Variants in CSMD3 observed in about 807,000 individuals in gnomAD.
The protein encoded by CSMD3 is CUB and sushi domain-containing protein 3.
A neutral mutation model predicts 435.2 loss-of-function variants in CSMD3; 177 were observed. The ratio of observed to expected loss-of-function variants is 0.41; its 90% CI spans 0.36 to 0.46. The LOEUF (loss-of-function observed/expected upper bound fraction) is 0.46. Among genes scored for constraint, CSMD3 ranks in the 20% least tolerant of loss-of-function variants. CSMD3 has a pLI of 0.34. For synonymous variants in CSMD3, 1,656 were observed against 1,520.5 expected (o/e 1.09, Z -2.07); for missense variants, 4,265 against 4,504.6 (o/e 0.95, Z 1.52).
At chr8:113,158,282 G>A (rs1435758809) in intron 4 of CSMD3, among the ~76,000 whole-genome samples, 1 of 151,964 alleles carries the variant, frequency 6.6e-6, no homozygotes, top group Non-Finnish European at 1.5e-5. Flanking sequence ...ACGCTACCAT[G>A]AGTGTAGGGG....
At chr8:112,888,548 G>A (rs1179201469) in intron 10 of CSMD3, among the ~76,000 whole-genome samples, 3 of 151,678 alleles carry the variant, frequency 2.0e-5, no homozygotes, top group Non-Finnish European at 3.0e-5. Flanking sequence ...ACATGCATGT[G>A]CCATCCAATG....
Position 112,859,091 on chromosome 8 carries a change from CT to C in CSMD3, c.1755+53del. ...TGCATGTTCCGTATTATTTCTTTGC[CT>C]TTGTCTTTATGATTATGACTTTTTT... is the stretch of plus-strand genomic sequence containing the variant. On this transcript the variant is annotated intron_variant, in intron 11 of 70. Coordinates refer to ENST00000297405, the MANE Select transcript of CSMD3 (RefSeq NM_198123.2). The C allele has an allele frequency of 3.2e-6, 5 of 1,545,364 alleles. No homozygotes were observed. The Admixed American group carries it at 8.4e-5, about 26-fold the overall frequency.
intron 17 of CSMD3, 146 bp from the exon 18 acceptor site, chr8:112,656,487 C>A (rs1374705734): frequency 1.8e-6 from 1 of 562,752 alleles, no homozygotes; most frequent in African/African-American, 1.9e-5. Context: ...TCTAAGATAT[C>A]ATTTAAGACA....
At position 112,636,917 on chromosome 8, in the gene CSMD3, G is replaced by A. The variant is rs2131581320; in HGVS notation, c.3615C>T (p.Thr1205=). The part of the protein sequence containing the change: ...GFNFGIGDTL[T]FSCSSGYRLE... ...GTCGATAACCCGAAGAGCATGAGAA[G>A]GTCAGAGTGTCACCAATCCCAAAGT... The change falls in exon 22 of 71, where the codon ACC becomes ACT. Residue 1205 remains threonine, a synonymous_variant. Coordinates refer to ENST00000297405, the MANE Select transcript of CSMD3 (RefSeq NM_198123.2). 6.2e-7 allele frequency: 1 copy of A among 1,613,488 alleles called. No homozygotes were observed. Among genetic ancestry groups the A allele is most frequent in the Non-Finnish European group, 8.5e-7 (1 of 1,179,746 alleles).
chr8:113,346,148 T>C (rs1003338454), intron 1 of CSMD3, among the ~76,000 whole-genome samples: 6 of 152,038 alleles, frequency 3.9e-5, no homozygotes, highest in African/African-American at 1.4e-4. Context: ...GGAAGATCAA[T>C]AGAGATAGAC....
intron 58 of CSMD3, among the ~76,000 whole-genome samples, chr8:112,284,607 T>C (rs1818991045): frequency 6.6e-6 from 1 of 151,878 alleles, no homozygotes; most frequent in Non-Finnish European, 1.5e-5. Context: ...AAACATAAAA[T>C]TGCTTAAGCA....
intron 12 of CSMD3, among the ~76,000 whole-genome samples, chr8:112,809,324 G>A (rs895364609): frequency 2.6e-5 from 4 of 152,106 alleles, no homozygotes; most frequent in Non-Finnish European, 5.9e-5. Flanking sequence ...GTGCTAGAAG[G>A]ATCAAGTGCT....
intron 56 of CSMD3, among the ~76,000 whole-genome samples, chr8:112,291,078 A>G (rs1819718484): frequency 6.6e-6 from 1 of 152,038 alleles, no homozygotes; most frequent in African/African-American, 2.4e-5. Context: ...TCTATATGAC[A>G]AATATTTAAG....
In CSMD3 at chr8:112,351,184, T is replaced by C; in HGVS notation, c.6316A>G (p.Ile2106Val). The C allele has an allele frequency of 1.3e-6, 2 of 1,596,600 alleles. No individual in the cohort carries two copies. The highest frequency in any genetic ancestry group is 2.2e-5 in the South Asian group (2 of 90,684). ...PVRRWNYPIP[I>V]CLAQCGGAMS... is the part of the protein sequence containing the mutation. ...TAGTCTTTTAACTTACCTAAACAAA[T>C]TGGGATTGGATAATTCCATCTTCTT... The change falls in exon 40 of 71, where the codon ATT (isoleucine) becomes GTT (valine). Residue 2106 changes from isoleucine to valine, a missense_variant. This residue lies in a region of CSMD3 where 3,255 missense variants were observed against 3,380.2 expected (regional missense o/e 0.96). Transcript: ENST00000297405.
At chr8:112,654,242 GAA>G (rs1316709650) in intron 18 of CSMD3, among the ~76,000 whole-genome samples, 4 of 152,104 alleles carry the variant, frequency 2.6e-5, no homozygotes, top group African/African-American at 4.8e-5. Flanking sequence ...TGGTTCATTT[GAA>G]AAAGATAGTT....
chr8:112,705,977 G>A (rs564336969), intron 13 of CSMD3, among the ~76,000 whole-genome samples: 1 of 152,140 alleles, frequency 6.6e-6, no homozygotes, highest in African/African-American at 2.4e-5. Context: ...TATACTTAAA[G>A]TTCTTCAAAG....
In CSMD3 at chr8:112,270,453, A is replaced by G. The variant is rs565149524; in HGVS notation, c.9509-4863T>C. On this transcript the variant is annotated intron_variant, in intron 59 of 70. Transcript: ENST00000297405. Reference sequence around the variant, plus strand: ...TATAGTTGCAAATAACTCCAGTGGGAAATTCTCAAAGGTAAAATTCTCAAA... The same window carrying G: ...TATAGTTGCAAATAACTCCAGTGGGGAATTCTCAAAGGTAAAATTCTCAAA... Among the ~76,000 whole-genome samples the G allele has an allele frequency of 8.6e-5, 13 of 151,588 alleles. No homozygotes were observed. The East Asian group carries it at 2.5e-3, about 30-fold the overall frequency.
At chr8:112,663,597 T>C (rs1279941243) in intron 17 of CSMD3, among the ~76,000 whole-genome samples, 4 of 151,884 alleles carry the variant, frequency 2.6e-5, no homozygotes, top group East Asian at 3.9e-4. Context: ...GTAACAAATC[T>C]GCACATTGTG....
chr8:113,146,090 T>C (rs902069991), intron 4 of CSMD3, among the ~76,000 whole-genome samples: 4 of 151,482 alleles, frequency 2.6e-5, no homozygotes, highest in African/African-American at 9.7e-5. Context: ...ATATATAATG[T>C]AAATATATTA....
chr8:113,275,812 C>G (rs1462655705), intron 3 of CSMD3, among the ~76,000 whole-genome samples: 1 of 151,672 alleles, frequency 6.6e-6, no homozygotes, highest in African/African-American at 2.4e-5. Context: ...CAAGCCAGGG[C>G]AACACAGTGA....
intron 32 of CSMD3, among the ~76,000 whole-genome samples, chr8:112,420,671 A>G (rs1395402576): frequency 6.6e-6 from 1 of 152,202 alleles, no homozygotes; most frequent in Non-Finnish European, 1.5e-5. Flanking sequence ...ACTCAATTGA[A>G]CAAAATTTTA....
chr8:112,336,482 T>C (rs1250398793), intron 44 of CSMD3, among the ~76,000 whole-genome samples, 170 bp downstream of exon 44: 3 of 152,116 alleles, frequency 2.0e-5, no homozygotes, highest in Admixed American at 2.0e-4. Context: ...CCAAAACCTA[T>C]TTCTCTTGTG....
At chr8:112,650,011 T>C (rs1035292242) in intron 19 of CSMD3, 150 bp downstream of exon 19, 3 of 642,438 alleles carry the variant, frequency 4.7e-6, no homozygotes, top group Non-Finnish European at 5.4e-6. Context: ...CTTTATTTCA[T>C]GAATGGTTTG....
At chr8:113,226,422 C>T (rs1030260866) in intron 3 of CSMD3, among the ~76,000 whole-genome samples, 2 of 151,524 alleles carry the variant, frequency 1.3e-5, no homozygotes, top group African/African-American at 2.4e-5. Context: ...ATACTGCAAT[C>T]CTATCCTTGC....
Sources: gnomAD v4.1 joint callset for allele counts (sites outside exome capture counted in the v4.1 genomes callset) on GRCh38, gnomAD v4.1.1 for gene constraint, gnomAD v4.1.1 regional missense constraint, MANE v1.5 for transcripts, NCBI Gene and HGNC (gene_info 2026-07-23, HGNC 2026-07-21) for gene names.